Variants in KIAA1671 observed in about 807,000 individuals in gnomAD.
KIAA1671 encodes KIAA1671, also known as uncharacterized protein KIAA1671.
In KIAA1671, 52 loss-of-function variants were observed where a neutral mutation model predicts 131.2. The ratio of observed to expected loss-of-function variants is 0.40; its 90% CI spans 0.32 to 0.50. The LOEUF is 0.50. Ranked by LOEUF, KIAA1671 falls within the 20% of genes least tolerant of loss-of-function variation. KIAA1671 has a pLI of 0.73. For synonymous variants in KIAA1671, 1,003 were observed against 961.6 expected, an observed-to-expected ratio of 1.04 and a Z score of -0.80; for missense variants, 2,360 against 2,364.2, an observed-to-expected ratio of 1.00 and a Z score of 0.04.
intron 6 of KIAA1671, among the ~76,000 whole-genome samples, chr22:25,119,110 C>T (rs771670081): frequency 1.7e-4 from 26 of 152,160 alleles, no homozygotes; most frequent in Non-Finnish European, 2.8e-4. Context: ...TCCTGGTTCA[C>T]CTTGATATTG....
chr22:25,033,962 C>T (rs1926444950), intron 4 of KIAA1671, among the ~76,000 whole-genome samples: 1 of 151,808 alleles, frequency 6.6e-6, no homozygotes, highest in Non-Finnish European at 1.5e-5. Flanking sequence ...GGTGAGTTTC[C>T]TATGTGTGTA....
intron 6 of KIAA1671, among the ~76,000 whole-genome samples, chr22:25,090,097 C>A (rs1929949260): frequency 6.6e-6 from 1 of 152,248 alleles, no homozygotes; most frequent in African/African-American, 2.4e-5. Context: ...CAGGGTTTCA[C>A]TCCATCTGTG....
In KIAA1671 at chr22:24,969,278, A is replaced by G. The variant is rs202007199; in HGVS notation, c.-208+16506A>G. Among the ~76,000 whole-genome samples the G allele has an allele frequency of 9.8e-5, 15 of 152,314 alleles. No homozygotes were observed. The East Asian group carries it at 2.5e-3, about 26-fold the overall frequency. On this transcript the variant is annotated intron_variant, in intron 1 of 12. Coordinates refer to ENST00000358431, the MANE Select transcript of KIAA1671 (RefSeq NM_001145206.2). ...GGGATTGGTTCCAGATCTCCCTCAGATACCGAAATCTGAGCAAGCTCAAGT... is the reference window on the plus strand; with the variant it reads ...GGGATTGGTTCCAGATCTCCCTCAGGTACCGAAATCTGAGCAAGCTCAAGT...
intron 1 of KIAA1671, among the ~76,000 whole-genome samples, chr22:24,978,002 C>T (rs1490554519): frequency 1.3e-5 from 2 of 152,146 alleles, no homozygotes; most frequent in African/African-American, 4.8e-5. Flanking sequence ...CCACCACCAC[C>T]GTAATCATAG....
chr22:25,073,493 C>T (rs1928937432), intron 6 of KIAA1671, among the ~76,000 whole-genome samples: 2 of 152,132 alleles, frequency 1.3e-5, no homozygotes, highest in East Asian at 1.9e-4. Context: ...AATTAACATA[C>T]CTATCTCCTC....
chr22:25,136,806 G>C (rs1932697122), intron 6 of KIAA1671, among the ~76,000 whole-genome samples: 1 of 152,186 alleles, frequency 6.6e-6, no homozygotes, highest in Admixed American at 6.5e-5. Flanking sequence ...GCAGAACTTA[G>C]ACCAATAATG....
intron 5 of KIAA1671, among the ~76,000 whole-genome samples, chr22:25,043,833 C>T (rs1014348117): frequency 2.0e-5 from 3 of 152,020 alleles, no homozygotes; most frequent in South Asian, 2.1e-4. Flanking sequence ...GACTTAGCAC[C>T]GCCCTGTGTG....
chr22:25,032,425 G>T (rs1410826879), intron 3 of KIAA1671, among the ~76,000 whole-genome samples, 184 bp from the exon 4 acceptor site: 1 of 152,232 alleles, frequency 6.6e-6, no homozygotes, highest in Non-Finnish European at 1.5e-5. Context: ...CCCAGCTGGG[G>T]CTCCTCCACC....
chr22:25,144,692 G>A lies in KIAA1671; in HGVS notation c.4531-26128G>A, dbSNP rs118053390. On this transcript the variant is annotated intron_variant, in intron 6 of 12. Coordinates refer to ENST00000358431, the MANE Select transcript of KIAA1671 (RefSeq NM_001145206.2). ...GAAGTGTTTCTTTCTTGTCCCCATT[G>A]TGTAGGTGAAGAAACTGAGGCCCAA... is the stretch of plus-strand genomic sequence containing the variant. 6.3e-3 allele frequency among the ~76,000 whole-genome samples: 962 copies of A among 152,262 alleles called. 6 individuals are homozygous for A. The highest frequency in any genetic ancestry group is 9.8e-3 in the Non-Finnish European group (665 of 68,014).
intron 6 of KIAA1671, among the ~76,000 whole-genome samples, chr22:25,159,193 G>C (rs924690355): frequency 6.6e-6 from 1 of 152,114 alleles, no homozygotes; most frequent in African/African-American, 2.4e-5. Context: ...CTCCCAGCCG[G>C]GAAACCAAAT....
rs1048326217 is a variant in KIAA1671, at chr22:25,193,056, T to C, written c.*655T>C. 6.6e-6 allele frequency: 1 copy of C among 152,208 alleles called. No homozygotes were observed. Among genetic ancestry groups the C allele is most frequent in the Admixed American group, 6.5e-5 (1 of 15,278 alleles). The allele number at this position is 152,208 out of a possible 1,614,324, so 9.4% of individuals were successfully genotyped here. A position where few individuals can be genotyped will look rare whatever the true frequency, so the allele number is the denominator to read the frequency against. ...CATCGTTGGCCTATGTTATTGTATG[T>C]CATTTTTGTTTGCTTTAGAAGGCGA... On this transcript the variant is annotated 3_prime_UTR_variant, in exon 13 of 13. Transcript: ENST00000358431.
At chr22:25,122,691 T>C (rs748117722) in intron 6 of KIAA1671, among the ~76,000 whole-genome samples, 2 of 152,206 alleles carry the variant, frequency 1.3e-5, no homozygotes, top group Non-Finnish European at 2.9e-5. Flanking sequence ...ACAGTCATTA[T>C]TGGCCGGTTG....
At chr22:25,027,672 T>G (rs1392838639) in intron 2 of KIAA1671, among the ~76,000 whole-genome samples, 1 of 152,210 alleles carries the variant, frequency 6.6e-6, no homozygotes, top group Non-Finnish European at 1.5e-5. Context: ...GCCTCTAGAT[T>G]AGCTGTCAGG....
In KIAA1671 at chr22:25,029,116, G is replaced by C; in HGVS notation, c.1117G>C (p.Gly373Arg). The change falls in exon 3 of 13, where the codon GGC (glycine) becomes CGC (arginine). Residue 373 changes from glycine (G) to arginine (R), a missense_variant. Physicochemically the swap from Gly to Arg is moderately radical, Grantham distance 125. Transcript: ENST00000358431. Reference protein sequence around the residue: ...EMGSPRALVGGSSGVTPSNDQ... With the variant: ...EMGSPRALVGRSSGVTPSNDQ... ...GGGCAGCCCCAGAGCCCTGGTGGGG[G>C]GCTCATCTGGGGTCACCCCCAGCAA... 1 of 1,468,086 alleles carries C rather than the reference G, an allele frequency of 6.8e-7. No homozygotes were observed. Among genetic ancestry groups the C allele is most frequent in the Non-Finnish European group, 9.0e-7 (1 of 1,108,850 alleles). The allele number at this position is 1,468,086 out of a possible 1,614,324, so 90.9% of individuals were successfully genotyped here.
At position 24,999,487 on chromosome 22, in the gene KIAA1671, T is replaced by C. The variant is rs1173009301; in HGVS notation, c.-207-26146T>C. Among the ~76,000 whole-genome samples, 16 of 145,310 alleles carry C rather than the reference T, an allele frequency of 1.1e-4. No individual in the cohort carries two copies. In the East Asian group the frequency reaches 1.5e-3, roughly 14 times the overall value. On this transcript the variant is annotated intron_variant, in intron 1 of 12. Transcript: ENST00000358431. ...CTCAAGTGATCCTCTCTCAGCCTCC[T>C]AAAGTGCTGGGATTATAGGCGTGAG... is the stretch of plus-strand genomic sequence containing the variant.
chr22:24,954,088 A>G (rs900711395), intron 1 of KIAA1671, among the ~76,000 whole-genome samples: 19 of 152,112 alleles, frequency 1.2e-4, no homozygotes, highest in Admixed American at 6.6e-5. Flanking sequence ...CTTGCCTTAC[A>G]GTATCTAAAG....
intron 6 of KIAA1671, among the ~76,000 whole-genome samples, chr22:25,161,088 C>G (rs553157664): frequency 3.9e-5 from 6 of 152,022 alleles, no homozygotes; most frequent in Non-Finnish European, 1.5e-5. Context: ...CTCCCTTCTT[C>G]TCCCATCCCT....
At chr22:25,180,572 T>C (rs1934232043) in intron 9 of KIAA1671, among the ~76,000 whole-genome samples, 1 of 151,978 alleles carries the variant, frequency 6.6e-6, no homozygotes, top group Admixed American at 6.5e-5. Flanking sequence ...CTTCTTGCAA[T>C]GGAAACTAGA....
At chr22:25,069,591 C>T (rs1568939220) in intron 6 of KIAA1671, among the ~76,000 whole-genome samples, 1 of 152,198 alleles carries the variant, frequency 6.6e-6, no homozygotes, top group Non-Finnish European at 1.5e-5. Flanking sequence ...GCTACCAACT[C>T]ACCGCGTGAC....
Sources: gnomAD v4.1 joint callset for allele counts (sites outside exome capture counted in the v4.1 genomes callset) on GRCh38, gnomAD v4.1.1 for gene constraint, MANE v1.5 for transcripts, NCBI Gene and HGNC (gene_info 2026-07-23, HGNC 2026-07-21) for gene names.